Variants in IMPG2 observed in about 807,000 individuals in gnomAD.
The protein encoded by IMPG2 is interphotoreceptor matrix proteoglycan 2, also known as IPM 200.
Under a neutral mutation model 129.2 loss-of-function variants are expected in IMPG2, and 91 were observed. That is an observed-to-expected ratio of 0.70 (90% CI 0.59 to 0.84). The LOEUF (loss-of-function observed/expected upper bound fraction) is 0.84. Among genes scored for constraint, IMPG2 ranks in the 40% least tolerant of loss-of-function variants. The probability of loss-of-function intolerance (pLI) is 0.00; values close to 1 mark genes in which losing one functional copy is unlikely to be tolerated. For missense variants in IMPG2, 1,430 were observed against 1,461.7 expected (o/e 0.98, Z 0.35); for synonymous variants, 510 against 517.7 (o/e 0.99, Z 0.20).
In IMPG2 at chr3:101,228,779, G is replaced by A. The variant is rs1706250336; in HGVS notation, c.3713+18C>T. On this transcript the variant is annotated intron_variant, in intron 18 of 18. Coordinates refer to ENST00000193391, the MANE Select transcript of IMPG2 (RefSeq NM_016247.4). ...TTAAGTCTGTAGGTCGGGGTGGGGG[G>A]CTGTTTCAAAAGCTTACACTTGTTG... is the stretch of plus-strand genomic sequence containing the variant. 3 of 1,598,800 alleles carry A rather than the reference G, an allele frequency of 1.9e-6. No individual in the cohort carries two copies. The African/African-American group carries it at 4.0e-5, about 21-fold the overall frequency.
Position 101,245,808 on chromosome 3 carries a change from C to T in IMPG2, c.1537G>A (p.Glu513Lys), listed in dbSNP as rs1397456951. The change falls in exon 12 of 19, where the codon GAA (glutamate) becomes AAA (lysine). Residue 513 changes from glutamate to lysine, a missense_variant. Transcript: ENST00000193391. Reference sequence around the variant, plus strand: ...AGCAATTAAAGTTTCTCACCATCTTCTACCAAGTGAGATCCAGAAGTCCTT... The same window carrying T: ...AGCAATTAAAGTTTCTCACCATCTTTTACCAAGTGAGATCCAGAAGTCCTT... ...EERTSGSHLV[E>K]DGLANVEESE... 1.2e-6 allele frequency: 2 copies of T among 1,613,692 alleles called. No homozygotes were observed. Among genetic ancestry groups the T allele is most frequent in the Non-Finnish European group, 1.7e-6 (2 of 1,179,578 alleles).
chr3:101,252,933 T>C (rs920299904), intron 11 of IMPG2, among the ~76,000 whole-genome samples: 1 of 152,126 alleles, frequency 6.6e-6, no homozygotes, highest in African/African-American at 2.4e-5. Context: ...CCCCCTACTG[T>C]TTGTATATGA....
Position 101,242,813 on chromosome 3 carries a change from T to C in IMPG2, c.2897A>G (p.Lys966Arg), listed in dbSNP as rs201685456. Residue 966 changes from lysine (K) to arginine (R), a missense_variant, in exon 14 of 19, where the codon AAG (lysine) becomes AGG (arginine). By Grantham distance (26) the Lys-to-Arg change is conservative. Coordinates refer to ENST00000193391, the MANE Select transcript of IMPG2 (RefSeq NM_016247.4). ...NGSIVVNSRM[K>R]FANSVPPNVN... ...GTTAGGAGGGACAGAATTGGCAAAC[T>C]TCATTCGACTGTTCACCACAATGCT... 236 of 1,613,958 alleles carry C rather than the reference T, an allele frequency of 1.5e-4. No homozygotes were observed. The highest frequency in any genetic ancestry group is 4.3e-4 in the Admixed American group (26 of 59,998).
intron 15 of IMPG2, among the ~76,000 whole-genome samples, chr3:101,231,443 G>A (rs899320119): frequency 3.3e-5 from 5 of 152,162 alleles, no homozygotes; most frequent in South Asian, 2.1e-4. Context: ...CAAAAAACAA[G>A]CCTAGGAAGG....
At chr3:101,312,729 A>G (rs550027731) in intron 2 of IMPG2, among the ~76,000 whole-genome samples, 12 of 152,258 alleles carry the variant, frequency 7.9e-5, no homozygotes, top group African/African-American at 2.9e-4. Context: ...ATCTATCCAT[A>G]CACTAAAATA....
At chr3:101,273,510 A>T in intron 7 of IMPG2, 71 bp downstream of exon 7, 1 of 1,501,298 alleles carries the variant, frequency 6.7e-7, no homozygotes, top group Non-Finnish European at 9.2e-7. Flanking sequence ...CTATCTTTAA[A>T]CAGTGTTGTG....
rs146815105 is a variant in IMPG2 at position 101,246,321 on chromosome 3, T to C, written c.1240-216A>G. 3.3e-3 allele frequency among the ~76,000 whole-genome samples: 503 copies of C among 152,224 alleles called. 2 individuals carry two copies. Among genetic ancestry groups the C allele is most frequent in the African/African-American group, 0.012 (484 of 41,532 alleles). ...GAGAAAAAGTATATCACCTCTCACC[T>C]GAAAACCAAGGACAGATGAGGTAAC... On this transcript the variant is annotated intron_variant, in intron 11 of 18. Transcript: ENST00000193391.
chr3:101,282,167 A>C (rs1238943578), intron 4 of IMPG2, among the ~76,000 whole-genome samples: 1 of 152,192 alleles, frequency 6.6e-6, no homozygotes, highest in Non-Finnish European at 1.5e-5. Flanking sequence ...AAGAGAATAA[A>C]ATATTTGCTG....
At chr3:101,307,830 C>A (rs1309814275) in intron 2 of IMPG2, among the ~76,000 whole-genome samples, 1 of 152,090 alleles carries the variant, frequency 6.6e-6, no homozygotes, top group Admixed American at 6.6e-5. Flanking sequence ...CAGCATTAAC[C>A]AAAAGTCCAA....
intron 7 of IMPG2, among the ~76,000 whole-genome samples, chr3:101,272,751 T>C (rs1476861825): frequency 6.6e-6 from 1 of 152,188 alleles, no homozygotes; most frequent in Admixed American, 6.5e-5. Context: ...GGCTGAGAGA[T>C]GCACATTTTT....
intron 14 of IMPG2, 37 bp from the exon 15 acceptor site, chr3:101,233,028 A>G: frequency 6.3e-7 from 1 of 1,591,178 alleles, no homozygotes; most frequent in Non-Finnish European, 8.6e-7. Flanking sequence ...AAGAAAAGGC[A>G]AAACACAGAA....
intron 14 of IMPG2, among the ~76,000 whole-genome samples, chr3:101,241,870 A>G (rs909807847): frequency 6.6e-6 from 1 of 152,024 alleles, no homozygotes; most frequent in Non-Finnish European, 1.5e-5. Context: ...TCTACTAAAA[A>G]TACAAAAAAT....
At chr3:101,278,767 A>C (rs2107255742) in intron 4 of IMPG2, among the ~76,000 whole-genome samples, 1 of 152,276 alleles carries the variant, frequency 6.6e-6, no homozygotes, top group South Asian at 2.1e-4. Flanking sequence ...TAAAAAAGTA[A>C]GATGTTAAAC....
chr3:101,242,747 G>T lies in IMPG2; in HGVS notation c.2963C>A (p.Thr988Asn), dbSNP rs768676452. 1.2e-6 allele frequency: 2 copies of T among 1,613,980 alleles called. No homozygotes were observed. The highest frequency in any genetic ancestry group is 1.1e-5 in the South Asian group (1 of 91,074). Residue 988 changes from threonine (T) to asparagine (N), a missense_variant, in exon 14 of 19, where the codon ACC becomes AAC. Coordinates refer to ENST00000193391, the MANE Select transcript of IMPG2 (RefSeq NM_016247.4). ...AVYMILEDFC[T>N]TAYNTMNLAI... ...CAAGTTCATGGTATTGTAGGCAGTG[G>T]TACAAAAGTCTTCCAGAATCATGTA...
intron 4 of IMPG2, among the ~76,000 whole-genome samples, chr3:101,281,174 C>T (rs1373594294): frequency 6.6e-6 from 1 of 152,152 alleles, no homozygotes; most frequent in Admixed American, 6.5e-5. Flanking sequence ...ATGAGCCTTG[C>T]ACTCGTTATT....
chr3:101,229,300 A>ACCCCCCCCCCCCCCCCCCAGCTCC, intron 17 of IMPG2, 80 bp downstream of exon 17: 1 of 859,118 alleles, frequency 1.2e-6, no homozygotes, highest in Non-Finnish European at 1.9e-6. Flanking sequence ...ACTCATACAC[A>ACCCCCCCCCCCCCCCCCCAGCTCC]CCCCCACCCA....
intron 2 of IMPG2, among the ~76,000 whole-genome samples, chr3:101,305,837 T>C (rs550042705): frequency 1.3e-5 from 2 of 152,296 alleles, no homozygotes; most frequent in Admixed American, 6.5e-5. Context: ...GCTTTTTGTA[T>C]AGTACTGAAT....
At chr3:101,284,010 C>A (rs1003775280) in intron 4 of IMPG2, among the ~76,000 whole-genome samples, 4 of 152,066 alleles carry the variant, frequency 2.6e-5, no homozygotes, top group African/African-American at 9.7e-5. Flanking sequence ...AGGGTGGTGG[C>A]AGTGAAGATG....
At chr3:101,229,774 T>A (rs1206176222) in intron 16 of IMPG2, among the ~76,000 whole-genome samples, 184 bp from the exon 17 acceptor site, 1 of 152,238 alleles carries the variant, frequency 6.6e-6, no homozygotes, top group East Asian at 1.9e-4. Context: ...ATCATTATGA[T>A]TTCCTCACAC....
Sources: allele counts gnomAD v4.1 joint callset (sites outside exome capture counted in the v4.1 genomes callset), GRCh38; gene constraint gnomAD v4.1.1; transcripts MANE v1.5; gene names NCBI Gene and HGNC (gene_info 2026-07-23, HGNC 2026-07-21).